The following CNTN5 variants were observed in gnomAD, a reference collection of about 807,000 sequenced individuals.
CNTN5 encodes the protein contactin 5.
A neutral mutation model predicts 129.1 loss-of-function variants in CNTN5; 77 were observed. The ratio of observed to expected loss-of-function variants is 0.60; its 90% CI spans 0.50 to 0.72. The LOEUF is 0.72. Among genes scored for constraint, CNTN5 ranks in the 30% least tolerant of loss-of-function variants. CNTN5 has a pLI of 0.00. For missense variants in CNTN5, 1,478 were observed against 1,328.8 expected (o/e 1.11, Z -1.75); for synonymous variants, 509 against 465.6 (o/e 1.09, Z -1.20).
chr11:99,390,312 G>A (rs570154347), intron 2 of CNTN5, among the ~76,000 whole-genome samples: 2 of 152,006 alleles, frequency 1.3e-5, no homozygotes, highest in Non-Finnish European at 2.9e-5. Context: ...TAGAGATGGG[G>A]GTTGCCATAT....
intron 3 of CNTN5, among the ~76,000 whole-genome samples, chr11:99,687,977 C>A (rs1437806283): frequency 1.3e-5 from 2 of 152,082 alleles, no homozygotes; most frequent in South Asian, 2.1e-4. Context: ...TTTGAATAAT[C>A]CTCTGATTAG....
At chr11:99,576,921 G>T (rs762840589) in intron 3 of CNTN5, among the ~76,000 whole-genome samples, 3 of 152,106 alleles carry the variant, frequency 2.0e-5, no homozygotes, top group Non-Finnish European at 2.9e-5. Flanking sequence ...AGATTTGAGG[G>T]TATATGCATT....
chr11:99,129,368 A>G (rs540940986), intron 1 of CNTN5, among the ~76,000 whole-genome samples: 7 of 152,314 alleles, frequency 4.6e-5, no homozygotes, highest in Admixed American at 3.9e-4. Flanking sequence ...CTTGAAGGCC[A>G]TCTTGCTGAA....
intron 2 of CNTN5, among the ~76,000 whole-genome samples, chr11:99,513,733 G>GAAA (rs34798386): frequency 6.0e-5 from 9 of 150,060 alleles, no homozygotes; most frequent in Non-Finnish European, 3.0e-5. Flanking sequence ...AATGCTCAGA[G>GAAA]AAAAAAAAAA....
intron 3 of CNTN5, among the ~76,000 whole-genome samples, chr11:99,560,441 GC>G (rs1948805567): frequency 6.6e-6 from 1 of 151,892 alleles, no homozygotes; most frequent in Admixed American, 6.6e-5. Flanking sequence ...ACAGATGTGT[GC>G]CACCATGACC....
At chr11:99,584,331 C>A (rs914328026) in intron 3 of CNTN5, among the ~76,000 whole-genome samples, 1 of 152,128 alleles carries the variant, frequency 6.6e-6, no homozygotes, top group Non-Finnish European at 1.5e-5. Context: ...TTCACACTGG[C>A]CCTGATTACT....
chr11:99,402,993 T>C (rs1368498092), intron 2 of CNTN5, among the ~76,000 whole-genome samples: 3 of 140,426 alleles, frequency 2.1e-5, no homozygotes, highest in Non-Finnish European at 4.5e-5. Flanking sequence ...AAAGTTTGTC[T>C]ATTTTGTTAA....
chr11:100,292,304 G>T (rs758569283), intron 18 of CNTN5, among the ~76,000 whole-genome samples: 4 of 151,996 alleles, frequency 2.6e-5, no homozygotes, highest in Non-Finnish European at 4.4e-5. Flanking sequence ...CTCATGGGGT[G>T]CATTGAGTTC....
intron 10 of CNTN5, among the ~76,000 whole-genome samples, chr11:100,066,141 A>G (rs912803599): frequency 2.0e-5 from 3 of 152,120 alleles, no homozygotes; most frequent in Non-Finnish European, 4.4e-5. Context: ...ATTATCTTCT[A>G]TCATCATGGT....
chr11:99,077,592 A>T (rs1865629061), intron 1 of CNTN5, among the ~76,000 whole-genome samples: 1 of 152,224 alleles, frequency 6.6e-6, no homozygotes, highest in South Asian at 2.1e-4. Flanking sequence ...AACTAAAAGC[A>T]TCACTAAGTG....
At chr11:100,256,340 A>T (rs943791391) in intron 17 of CNTN5, among the ~76,000 whole-genome samples, 1 of 152,134 alleles carries the variant, frequency 6.6e-6, no homozygotes, top group Non-Finnish European at 1.5e-5. Flanking sequence ...TTGATATGCA[A>T]TTGTTTTAGT....
At chr11:99,805,638 T>C (rs901069530) in intron 3 of CNTN5, among the ~76,000 whole-genome samples, 3 of 152,194 alleles carry the variant, frequency 2.0e-5, no homozygotes, top group African/African-American at 4.8e-5. Context: ...ATGAACACTT[T>C]CAATATGATA....
chr11:99,216,004 G>A (rs1860097095), intron 1 of CNTN5, among the ~76,000 whole-genome samples: 1 of 152,132 alleles, frequency 6.6e-6, no homozygotes, highest in Non-Finnish European at 1.5e-5. Flanking sequence ...CATTTATCAT[G>A]TATCTGTTAC....
intron 3 of CNTN5, among the ~76,000 whole-genome samples, chr11:99,748,661 C>G (rs1944136824): frequency 1.3e-5 from 2 of 152,212 alleles, no homozygotes; most frequent in Admixed American, 1.3e-4. Flanking sequence ...TTTGGAGTCC[C>G]AGAGTCTGAA....
intron 13 of CNTN5, among the ~76,000 whole-genome samples, chr11:100,190,632 C>T (rs1318835728): frequency 6.6e-6 from 1 of 152,060 alleles, no homozygotes; most frequent in Non-Finnish European, 1.5e-5. Flanking sequence ...ACTCTTGCTA[C>T]TCTGGTGGCA....
intron 3 of CNTN5, among the ~76,000 whole-genome samples, chr11:99,696,778 C>T (rs1402814236): frequency 6.6e-6 from 1 of 151,922 alleles, no homozygotes; most frequent in Non-Finnish European, 1.5e-5. Context: ...CTTGGTTTGG[C>T]AGTGTCCGAA....
At chr11:100,028,714 C>G (rs1008776275) in intron 9 of CNTN5, among the ~76,000 whole-genome samples, 1 of 152,148 alleles carries the variant, frequency 6.6e-6, no homozygotes, top group East Asian at 1.9e-4. Flanking sequence ...CACTCTTTGG[C>G]TTTCTGCTTA....
chr11:100,099,737 G>T (rs928349221), intron 13 of CNTN5, among the ~76,000 whole-genome samples: 4 of 151,520 alleles, frequency 2.6e-5, no homozygotes, highest in African/African-American at 9.7e-5. Flanking sequence ...GGCCCCAGTT[G>T]AAGAATTCAT....
At position 99,028,561 on chromosome 11, in the gene CNTN5, T is replaced by C. The variant is rs563535430; in HGVS notation, c.-210+7291T>C. 2.4e-4 allele frequency among the ~76,000 whole-genome samples: 36 copies of C among 152,016 alleles called. No individual in the cohort carries two copies. In the South Asian group the frequency reaches 7.5e-3, roughly 31 times the overall value. ...GTTCTCTAACTGCTGCATTTACTTTTCAGTGCCTAAGTTATTTTAAAGTGA... is the reference window on the plus strand; with the variant it reads ...GTTCTCTAACTGCTGCATTTACTTTCCAGTGCCTAAGTTATTTTAAAGTGA... On this transcript the variant is annotated intron_variant, in intron 1 of 24. Transcript: ENST00000524871.
Sources: allele counts gnomAD v4.1 joint callset (sites outside exome capture counted in the v4.1 genomes callset), GRCh38; gene constraint gnomAD v4.1.1; transcripts MANE v1.5; gene names NCBI Gene and HGNC (gene_info 2026-07-23, HGNC 2026-07-21).